Variants in EFCAB8 observed in about 807,000 individuals in gnomAD.
The protein encoded by EFCAB8 is EF-hand calcium-binding domain-containing protein 8.
Under a neutral mutation model 116.3 loss-of-function variants are expected in EFCAB8, and 100 were observed. The ratio of observed to expected loss-of-function variants is 0.86; its 90% CI spans 0.73 to 1.02. The LOEUF (loss-of-function observed/expected upper bound fraction) is 1.02, where lower values mean the gene tolerates loss of function less well. EFCAB8 is among the 50% of genes least tolerant of loss of function. The pLI, the probability that EFCAB8 is intolerant of heterozygous loss-of-function variation, is 0.00. For missense variants in EFCAB8, 1,320 were observed against 1,416.9 expected (o/e 0.93, Z 1.10); for synonymous variants, 558 against 567.9 (o/e 0.98, Z 0.25).
intron 20 of EFCAB8, 53 bp downstream of exon 20, chr20:32,920,268 G>A (rs1253873831): frequency 1.9e-6 from 3 of 1,541,078 alleles, no homozygotes; most frequent in Non-Finnish European, 2.6e-6. Context: ...TGGGCGGTCA[G>A]GATTGGGTGG....
At chr20:32,886,162 C>T (rs949485035) in intron 6 of EFCAB8, among the ~76,000 whole-genome samples, 15 of 152,338 alleles carry the variant, frequency 9.8e-5, no homozygotes, top group Admixed American at 8.5e-4. Flanking sequence ...TATATACTCC[C>T]TGTGCCTCAG....
intron 22 of EFCAB8, among the ~76,000 whole-genome samples, chr20:32,942,753 G>A (rs1248705581): frequency 4.0e-5 from 6 of 151,676 alleles, no homozygotes; most frequent in Non-Finnish European, 8.8e-5. Context: ...TCTTTTGTAG[G>A]TGTTTTATGA....
intron 23 of EFCAB8, among the ~76,000 whole-genome samples, chr20:32,953,156 T>C (rs1988849819): frequency 6.6e-6 from 1 of 152,230 alleles, no homozygotes; most frequent in African/African-American, 2.4e-5. Context: ...AAGATATCCT[T>C]TCTTTTTTAA....
At position 32,874,140 on chromosome 20, in the gene EFCAB8, C is replaced by T. The variant is rs1213666373; in HGVS notation, c.209-1786C>T. On this transcript the variant is annotated intron_variant, in intron 3 of 26. Coordinates refer to ENST00000400522, the MANE Select transcript of EFCAB8 (RefSeq NM_001143967.2). ...TTCACCATGTTGCCCAGCCTGGTCT[C>T]AAACTCCTGGGCTCAAGCCTTCTGC... Among the ~76,000 whole-genome samples the T allele has an allele frequency of 2.2e-3, 328 of 151,426 alleles. 2 individuals are homozygous for T. Among genetic ancestry groups the T allele is most frequent in the African/African-American group, 7.6e-3 (313 of 41,036 alleles).
At chr20:32,918,675 CA>C (rs1411678611) in intron 19 of EFCAB8, 101 bp downstream of exon 19, 1 of 1,242,442 alleles carries the variant, frequency 8.0e-7, no homozygotes, top group African/African-American at 1.5e-5. Flanking sequence ...GTACTTTTTC[CA>C]AAGTGCCTTT....
chr20:32,921,831 C>CTTTTTTTTTTT (rs11483441), intron 20 of EFCAB8, among the ~76,000 whole-genome samples: 5 of 130,224 alleles, frequency 3.8e-5, no homozygotes, highest in African/African-American at 1.4e-4. Context: ...TTACCTTATT[C>CTTTTTTTTTTT]TTTTTTTTTT....
intron 11 of EFCAB8, among the ~76,000 whole-genome samples, chr20:32,899,569 G>T (rs533927864): frequency 3.3e-5 from 5 of 151,638 alleles, no homozygotes; most frequent in East Asian, 1.9e-4. Flanking sequence ...ACCACTTCTG[G>T]TTTTTTTTCT....
At chr20:32,861,948 T>TC (rs1984136697) in intron 1 of EFCAB8, among the ~76,000 whole-genome samples, 2 of 152,086 alleles carry the variant, frequency 1.3e-5, no homozygotes, top group Admixed American at 6.6e-5. Flanking sequence ...TTTAGTTTTT[T>TC]CACTGGTAAC....
chr20:32,859,494 T>C (rs1332185088), intron 1 of EFCAB8, among the ~76,000 whole-genome samples: 1 of 152,198 alleles, frequency 6.6e-6, no homozygotes, highest in Non-Finnish European at 1.5e-5. Context: ...ACCAGCACTT[T>C]TTTTCCCATT....
intron 5 of EFCAB8, 77 bp downstream of exon 5, chr20:32,878,884 C>T: frequency 7.9e-7 from 1 of 1,273,526 alleles, no homozygotes; most frequent in Non-Finnish European, 1.1e-6. Context: ...TGAGCCCCTC[C>T]CTCAATCCGT....
chr20:32,927,795 C>G (rs1166381136), intron 20 of EFCAB8, among the ~76,000 whole-genome samples: 1 of 152,094 alleles, frequency 6.6e-6, no homozygotes, highest in Admixed American at 6.6e-5. Context: ...GTCTTTGGTT[C>G]AGGGATTCCT....
chr20:32,866,870 TTTCC>T lies in EFCAB8; in HGVS notation c.43-697_43-694del, dbSNP rs1168122381. On this transcript the variant is annotated intron_variant, in intron 2 of 26. Transcript: ENST00000400522. ...CTTTCTTTCTCTCTCTCTTTCTTTC[TTTCC>T]TTCCTTCCTTCCTTTCTTTCTCTCT... 4.9e-4 allele frequency among the ~76,000 whole-genome samples: 72 copies of T among 147,374 alleles called. 1 individual carries two copies. The highest frequency in any genetic ancestry group is 2.0e-3 in the South Asian group (9 of 4,522).
At chr20:32,916,410 A>G (rs1022505840) in intron 17 of EFCAB8, among the ~76,000 whole-genome samples, 3 of 152,158 alleles carry the variant, frequency 2.0e-5, no homozygotes, top group Non-Finnish European at 4.4e-5. Context: ...AGTGTGTGTC[A>G]CTATGCCTGG....
intron 2 of EFCAB8, among the ~76,000 whole-genome samples, chr20:32,865,305 T>G (rs1984331745): frequency 2.6e-5 from 2 of 77,600 alleles, no homozygotes; most frequent in Non-Finnish European, 2.8e-5. Context: ...TGGGTTGGAC[T>G]GTGTATGGGA....
intron 6 of EFCAB8, among the ~76,000 whole-genome samples, chr20:32,887,138 CCT>C (rs1319757660): frequency 1.3e-5 from 2 of 152,292 alleles, no homozygotes; most frequent in African/African-American, 2.4e-5. Context: ...GGAACAGGCT[CCT>C]CTCTGCCCCT....
intron 10 of EFCAB8, among the ~76,000 whole-genome samples, chr20:32,898,060 C>T (rs1362775784): frequency 1.3e-5 from 2 of 152,170 alleles, no homozygotes; most frequent in South Asian, 2.1e-4. Flanking sequence ...TCATGCCCTC[C>T]GCGCTTCCTT....
intron 26 of EFCAB8, 80 bp from the exon 27 acceptor site, chr20:32,961,056 C>T (rs1989133319): frequency 2.3e-6 from 3 of 1,293,856 alleles, no homozygotes; most frequent in Admixed American, 2.0e-5. Context: ...GCGCCTCCTT[C>T]CTGTGAGTCT....
intron 23 of EFCAB8, among the ~76,000 whole-genome samples, chr20:32,950,968 T>C (rs1988779969): frequency 6.6e-6 from 1 of 152,148 alleles, no homozygotes; most frequent in Non-Finnish European, 1.5e-5. Context: ...CCAAAGGAAA[T>C]ATATAGAAGC....
At position 32,899,515 on chromosome 20, in the gene EFCAB8, C is replaced by G. The variant is rs551565335; in HGVS notation, c.1088+892C>G. 1.9e-4 allele frequency among the ~76,000 whole-genome samples: 29 copies of G among 152,264 alleles called. No individual in the cohort carries two copies. In the South Asian group the frequency reaches 4.4e-3, roughly 23 times the overall value. On this transcript the variant is annotated intron_variant, in intron 11 of 26. Transcript: ENST00000400522. The stretch of plus-strand genomic sequence containing the variant: ...AGAAGGTTGGAGTCCTGAGGGGCCC[C>G]CTCCTTATTCAATCGCCATTCCCTG...
Sources: gnomAD v4.1 joint callset for allele counts (sites outside exome capture counted in the v4.1 genomes callset) on GRCh38, gnomAD v4.1.1 for gene constraint, MANE v1.5 for transcripts, NCBI Gene and HGNC (gene_info 2026-07-23, HGNC 2026-07-21) for gene names.